Variants in RFX4 observed in about 807,000 individuals in gnomAD.
The protein encoded by RFX4 is transcription factor RFX4.
In RFX4, 10 loss-of-function variants were observed where a neutral mutation model predicts 95.0. That is an observed-to-expected ratio of 0.11 (90% CI 0.06 to 0.18). RFX4 has a LOEUF of 0.18. RFX4 is among the 10% of genes least tolerant of loss of function. RFX4 has a pLI of 1.00. For missense variants in RFX4, 640 were observed against 922.0 expected (o/e 0.69, Z 3.96); for synonymous variants, 321 against 340.7 (o/e 0.94, Z 0.64).
intron 1 of RFX4, among the ~76,000 whole-genome samples, chr12:106,592,436 G>A (rs1389528817): frequency 2.0e-5 from 3 of 152,182 alleles, no homozygotes; most frequent in Non-Finnish European, 4.4e-5. Flanking sequence ...TGGAAAATGT[G>A]TCTTTGTGGA....
At chr12:106,732,338 C>T in intron 14 of RFX4, 89 bp downstream of exon 14, 4 of 1,526,548 alleles carry the variant, frequency 2.6e-6, no homozygotes, top group Non-Finnish European at 3.6e-6. Context: ...AACTCTGTAT[C>T]TCAAAGAATT....
intron 4 of RFX4, among the ~76,000 whole-genome samples, chr12:106,669,395 G>A (rs147554176): frequency 3.0e-4 from 46 of 152,266 alleles, no homozygotes; most frequent in African/African-American, 1.1e-3. Flanking sequence ...TTGGCAGTTT[G>A]GGTTGTGGGT....
intron 1 of RFX4, among the ~76,000 whole-genome samples, chr12:106,592,842 G>C (rs915240599): frequency 6.6e-6 from 1 of 152,066 alleles, no homozygotes; most frequent in Non-Finnish European, 1.5e-5. Flanking sequence ...CATTTGTTCT[G>C]TTTTTGTCTT....
intron 2 of RFX4, among the ~76,000 whole-genome samples, chr12:106,630,951 A>G (rs1490471232): frequency 6.6e-6 from 1 of 152,208 alleles, no homozygotes; most frequent in Non-Finnish European, 1.5e-5. Flanking sequence ...TTTGACATCA[A>G]CTAGCCTGGG....
At chr12:106,747,394 T>A in intron 15 of RFX4, 43 bp from the exon 16 acceptor site, 1 of 1,598,716 alleles carries the variant, frequency 6.3e-7, no homozygotes, top group Non-Finnish European at 8.6e-7. Flanking sequence ...ACAAGGGATA[T>A]GAGAACTGTT....
intron 3 of RFX4, among the ~76,000 whole-genome samples, chr12:106,643,208 C>G (rs1298291247): frequency 6.6e-6 from 1 of 152,120 alleles, no homozygotes; most frequent in East Asian, 1.9e-4. Flanking sequence ...AATGATTCAG[C>G]CTCCCAGTAG....
chr12:106,595,192 A>G (rs1258741633), intron 1 of RFX4, among the ~76,000 whole-genome samples: 3 of 152,194 alleles, frequency 2.0e-5, no homozygotes, highest in African/African-American at 7.2e-5. Context: ...CTAGTTAACA[A>G]TATGTCCAGG....
At chr12:106,638,516 C>T (rs1380114407) in intron 2 of RFX4, among the ~76,000 whole-genome samples, 2 of 152,164 alleles carry the variant, frequency 1.3e-5, no homozygotes, top group South Asian at 2.1e-4. Context: ...CACATTAAGG[C>T]TCTGCTTCAT....
intron 3 of RFX4, among the ~76,000 whole-genome samples, chr12:106,643,636 C>T (rs2040682063): frequency 6.6e-6 from 1 of 151,812 alleles, no homozygotes; most frequent in South Asian, 2.1e-4. Flanking sequence ...CTGTGGCTGC[C>T]GTGGGGTTGA....
In RFX4 at chr12:106,631,045, C is replaced by T. The variant is rs544914056; in HGVS notation, c.131-8287C>T. Among the ~76,000 whole-genome samples the T allele has an allele frequency of 7.2e-5, 11 of 152,276 alleles. No individual in the cohort carries two copies. The South Asian group carries it at 1.0e-3, about 14-fold the overall frequency. On this transcript the variant is annotated intron_variant, in intron 2 of 17. Transcript: ENST00000392842. ...GAGCCTTAGTTTCTTCCTCTGTAAA[C>T]GGGGATAATACTAATCATTAGGCCT... is the stretch of plus-strand genomic sequence containing the variant.
At chr12:106,644,230 CTTT>C (rs756140160) in intron 3 of RFX4, among the ~76,000 whole-genome samples, 4 of 128,394 alleles carry the variant, frequency 3.1e-5, no homozygotes, top group Non-Finnish European at 1.7e-5. Flanking sequence ...GCCATTTCCC[CTTT>C]TTTTTTTTTT....
chr12:106,689,427 A>G, intron 7 of RFX4, 63 bp downstream of exon 7: 1 of 1,315,506 alleles, frequency 7.6e-7, no homozygotes, highest in Non-Finnish European at 1.1e-6. Flanking sequence ...ACTAGCTCCT[A>G]TTTCATGAGC....
intron 1 of RFX4, among the ~76,000 whole-genome samples, chr12:106,591,281 T>TTC (rs1555223867): frequency 6.2e-5 from 9 of 145,350 alleles, no homozygotes; most frequent in African/African-American, 2.1e-4. Context: ...TTTTTTTTTT[T>TTC]TTTTTTGACG....
At chr12:106,723,910 C>T (rs944694542) in intron 13 of RFX4, among the ~76,000 whole-genome samples, 11 of 152,158 alleles carry the variant, frequency 7.2e-5, no homozygotes, top group South Asian at 2.1e-4. Context: ...GAATTCAACC[C>T]GCAATTGTTC....
chr12:106,715,851 G>A (rs1322074178), intron 11 of RFX4, among the ~76,000 whole-genome samples: 3 of 152,140 alleles, frequency 2.0e-5, no homozygotes, highest in African/African-American at 7.2e-5. Context: ...CATTAAATAT[G>A]AGAACAAAAG....
chr12:106,611,091 T>C (rs1411455453), intron 2 of RFX4, among the ~76,000 whole-genome samples: 1 of 152,268 alleles, frequency 6.6e-6, no homozygotes, highest in Non-Finnish European at 1.5e-5. Context: ...CATCTTTTCA[T>C]GTGCTTATTC....
At chr12:106,670,035 C>CCTGGAGAA in intron 4 of RFX4, among the ~76,000 whole-genome samples, 1 of 152,222 alleles carries the variant, frequency 6.6e-6, no homozygotes, top group Non-Finnish European at 1.5e-5. Context: ...CAATCAATCA[C>CCTGGAGAA]CTGGAGAACT....
intron 16 of RFX4, among the ~76,000 whole-genome samples, chr12:106,747,875 C>T (rs1025414757): frequency 6.7e-6 from 1 of 149,782 alleles, no homozygotes; most frequent in Non-Finnish European, 1.5e-5. Flanking sequence ...TTGCAGTGAG[C>T]TGAGATCGCA....
chr12:106,634,178 T>C (rs2040468752), intron 2 of RFX4, among the ~76,000 whole-genome samples: 1 of 152,216 alleles, frequency 6.6e-6, no homozygotes, highest in Non-Finnish European at 1.5e-5. Flanking sequence ...GAACATGCAT[T>C]ACTTTTGTGA....
Sources: allele counts gnomAD v4.1 joint callset (sites outside exome capture counted in the v4.1 genomes callset), GRCh38; gene constraint gnomAD v4.1.1; transcripts MANE v1.5; gene names NCBI Gene and HGNC (gene_info 2026-07-23, HGNC 2026-07-21).